Variants in FMN1 observed in about 807,000 individuals in gnomAD.
FMN1 encodes formin-1.
Under a neutral mutation model 132.4 loss-of-function variants are expected in FMN1, and 110 were observed. That is an observed-to-expected ratio of 0.83 (90% CI 0.71 to 0.97). The LOEUF is 0.97. FMN1 is among the 50% of genes least tolerant of loss of function. FMN1 has a pLI of 0.00. For missense variants in FMN1, 1,792 were observed against 1,705.3 expected, an observed-to-expected ratio of 1.05 and a Z score of -0.90; for synonymous variants, 722 against 651.7, an observed-to-expected ratio of 1.11 and a Z score of -1.64.
chr15:33,177,005 A>G (rs1251375355), intron 3 of FMN1, among the ~76,000 whole-genome samples: 1 of 152,240 alleles, frequency 6.6e-6, no homozygotes, highest in African/African-American at 2.4e-5. Flanking sequence ...ACTGCTGCTT[A>G]GTGATCACTC....
chr15:32,902,495 A>G (rs1264379293), intron 12 of FMN1, among the ~76,000 whole-genome samples: 1 of 152,250 alleles, frequency 6.6e-6, no homozygotes, highest in African/African-American at 2.4e-5. Flanking sequence ...ATTTAAAAAA[A>G]AATCTCTTAC....
chr15:33,031,115 C>G (rs1596510251), intron 6 of FMN1, among the ~76,000 whole-genome samples: 1 of 152,058 alleles, frequency 6.6e-6, no homozygotes, highest in Non-Finnish European at 1.5e-5. Flanking sequence ...AAGATCAAGG[C>G]ACAAACAGCT....
chr15:33,013,462 G>C (rs1203306700), intron 6 of FMN1, among the ~76,000 whole-genome samples: 4 of 135,826 alleles, frequency 2.9e-5, no homozygotes, highest in Non-Finnish European at 6.6e-5. Flanking sequence ...AAGAAGAATG[G>C]TGGTTTCCAG....
intron 6 of FMN1, among the ~76,000 whole-genome samples, chr15:33,027,576 G>A (rs1323434910): frequency 4.4e-5 from 6 of 137,814 alleles, no homozygotes; most frequent in East Asian, 2.0e-4. Context: ...AGTTTAACGT[G>A]CCCTTTTCAA....
chr15:32,806,650 C>T (rs977882090), intron 17 of FMN1, among the ~76,000 whole-genome samples: 10 of 152,220 alleles, frequency 6.6e-5, no homozygotes, highest in African/African-American at 2.4e-4. Flanking sequence ...TCCTCTTTCC[C>T]ACACCCCTTC....
intron 5 of FMN1, chr15:33,067,631 G>A (rs370597474): frequency 3.1e-6 from 5 of 1,613,870 alleles, no homozygotes; most frequent in African/African-American, 1.3e-5. Context: ...TGAAACCCGA[G>A]ACCCTGCTTC....
At chr15:33,095,587 G>T (rs561984771) in intron 4 of FMN1, among the ~76,000 whole-genome samples, 199 of 152,056 alleles carry the variant, frequency 1.3e-3, no homozygotes, top group Admixed American at 2.2e-3. Flanking sequence ...TGTAGAGATA[G>T]ACTCTTGCTG....
intron 10 of FMN1, among the ~76,000 whole-genome samples, chr15:32,920,501 T>G (rs1033961325): frequency 6.6e-6 from 1 of 152,114 alleles, no homozygotes; most frequent in Non-Finnish European, 1.5e-5. Flanking sequence ...CTATCTTGGG[T>G]AGAAATAAAG....
chr15:33,106,418 A>C (rs982294465), intron 4 of FMN1, among the ~76,000 whole-genome samples: 1 of 152,008 alleles, frequency 6.6e-6, no homozygotes, highest in African/African-American at 2.4e-5. Context: ...ATTCTACAAA[A>C]GTGTATAAAC....
intron 5 of FMN1, among the ~76,000 whole-genome samples, chr15:33,087,815 A>T: frequency 6.6e-6 from 1 of 151,580 alleles, no homozygotes; most frequent in East Asian, 1.9e-4. Flanking sequence ...ACATATACAC[A>T]TATATATACA....
At chr15:32,794,586 A>T (rs2057214007) in intron 19 of FMN1, among the ~76,000 whole-genome samples, 1 of 152,028 alleles carries the variant, frequency 6.6e-6, no homozygotes, top group Non-Finnish European at 1.5e-5. Flanking sequence ...ATAAAAAATA[A>T]AAAATAAAAA....
intron 4 of FMN1, among the ~76,000 whole-genome samples, chr15:33,092,779 C>T (rs905189646): frequency 1.1e-4 from 16 of 152,176 alleles, no homozygotes; most frequent in Non-Finnish European, 2.2e-4. Context: ...CCACTAGAAG[C>T]ACTGTAATTA....
intron 8 of FMN1, 128 bp downstream of exon 8, chr15:32,968,586 A>G: frequency 7.3e-7 from 1 of 1,373,848 alleles, no homozygotes; most frequent in East Asian, 2.5e-5. Flanking sequence ...TGTTTATCCA[A>G]GCATTCACTG....
intron 8 of FMN1, among the ~76,000 whole-genome samples, chr15:32,964,920 G>GA (rs2031050616): frequency 6.6e-6 from 1 of 152,092 alleles, no homozygotes; most frequent in African/African-American, 2.4e-5. Flanking sequence ...TAGCCATAGG[G>GA]AAACTGGGCT....
At chr15:33,081,447 C>G (rs186526783) in intron 5 of FMN1, among the ~76,000 whole-genome samples, 4 of 152,172 alleles carry the variant, frequency 2.6e-5, no homozygotes, top group South Asian at 2.1e-4. Context: ...ACCCAGGATA[C>G]CTGGTGCATG....
chr15:32,787,934 T>A (rs567392044), intron 19 of FMN1, among the ~76,000 whole-genome samples: 1 of 152,350 alleles, frequency 6.6e-6, no homozygotes, highest in South Asian at 2.1e-4. Context: ...ATCTGACAAT[T>A]TTCCCTACTC....
intron 3 of FMN1, among the ~76,000 whole-genome samples, chr15:33,164,723 T>G (rs898680786): frequency 6.6e-6 from 1 of 152,252 alleles, no homozygotes; most frequent in Non-Finnish European, 1.5e-5. Flanking sequence ...ACTATCTGGC[T>G]AACATCATCA....
chr15:33,055,822 G>A (rs1344448118), intron 6 of FMN1, among the ~76,000 whole-genome samples: 1 of 152,126 alleles, frequency 6.6e-6, no homozygotes, highest in Non-Finnish European at 1.5e-5. Context: ...TATTAAGAGA[G>A]AGAAAAAACA....
intron 4 of FMN1, among the ~76,000 whole-genome samples, chr15:33,121,874 AC>A (rs1962591751): frequency 6.6e-6 from 1 of 152,202 alleles, no homozygotes; most frequent in South Asian, 2.1e-4. Context: ...GAATTTGAAA[AC>A]AAAAAGAAAG....
Sources: allele counts gnomAD v4.1 joint callset (sites outside exome capture counted in the v4.1 genomes callset), GRCh38; gene constraint gnomAD v4.1.1; transcripts MANE v1.5; gene names NCBI Gene and HGNC (gene_info 2026-07-23, HGNC 2026-07-21).